Variants in PCNA observed in about 807,000 individuals in gnomAD.
PCNA encodes DNA sliding clamp PCNA.
In PCNA, 4 loss-of-function variants were observed where a neutral mutation model predicts 27.8. That is an observed-to-expected ratio of 0.14 (90% confidence interval 0.07 to 0.33). The LOEUF is 0.33. Among genes scored for constraint, PCNA ranks in the 10% least tolerant of loss-of-function variants. The pLI is 1.00. For missense variants in PCNA, 165 were observed against 327.4 expected, an observed-to-expected ratio of 0.50 and a Z score of 3.83; for synonymous variants, 121 against 119.4, an observed-to-expected ratio of 1.01 and a Z score of -0.09.
chr20:5,125,522 T>A (rs1027472016), intron 1 of PCNA, among the ~76,000 whole-genome samples: 8 of 152,182 alleles, frequency 5.3e-5, no homozygotes, highest in East Asian at 1.9e-4. Context: ...AAAATTATAT[T>A]TTTTTAAAAA....
At position 5,119,824 on chromosome 20, in the gene PCNA, T is replaced by C; in HGVS notation, c.-26A>G. ...GGTGGCGGAGTGGCAACAACGCCGC[T>C]ACAGGCAGGCGGGAAGGAGGAAAGT... On this transcript the variant is annotated 5_prime_UTR_variant, in exon 1 of 6. Coordinates refer to ENST00000379143, the MANE Select transcript of PCNA (RefSeq NM_182649.2). The C allele has an allele frequency of 6.6e-7, 1 of 1,525,026 alleles. No individual in the cohort carries two copies. The highest frequency in any genetic ancestry group is 8.9e-7 in the Non-Finnish European group (1 of 1,123,660). The allele number at this position is 1,525,026 out of a possible 1,614,324, so 94.5% of individuals were successfully genotyped here.
chr20:5,126,101 G>A (rs2090546184), intron 1 of PCNA, among the ~76,000 whole-genome samples: 1 of 152,202 alleles, frequency 6.6e-6, no homozygotes, highest in African/African-American at 2.4e-5. Flanking sequence ...GGGCGTGGTG[G>A]CGCGCACCTT....
At position 5,116,659 on chromosome 20, in the gene PCNA, T is replaced by G. The variant is rs3730434; in HGVS notation, c.582+811A>C. Among the ~76,000 whole-genome samples the G allele has an allele frequency of 3.0e-3, 458 of 152,296 alleles. 2 individuals are homozygous for G. Among genetic ancestry groups the G allele is most frequent in the African/African-American group, 0.011 (437 of 41,560 alleles). On this transcript the variant is annotated intron_variant, in intron 4 of 5. Transcript: ENST00000379143. ...ATTTATGCCCAGGTTAGCGAGTTTT[T>G]TTTGTTTGTTTAAGATGGAATCTTG...
At chr20:5,120,987 A>G (rs1179783751), upstream of PCNA, among the ~76,000 whole-genome samples, 1 of 151,602 alleles carries the variant, frequency 6.6e-6, no homozygotes. Context: ...TTGTATTATT[A>G]TTATTATTTT....
chr20:5,120,281 C>A (rs536602200), upstream of PCNA, among the ~76,000 whole-genome samples: 1 of 152,362 alleles, frequency 6.6e-6, no homozygotes, highest in East Asian at 1.9e-4. Context: ...AAGTTTCCAG[C>A]CACGAAAGTG....
intron 3 of PCNA, 57 bp from the exon 4 acceptor site, chr20:5,117,721 C>A: frequency 9.1e-7 from 1 of 1,096,048 alleles, no homozygotes. Context: ...TGATTTGGCA[C>A]CCTCACTTTC....
upstream of PCNA, among the ~76,000 whole-genome samples, chr20:5,124,673 A>G (rs750011141): frequency 2.0e-5 from 3 of 151,852 alleles, no homozygotes; most frequent in Non-Finnish European, 2.9e-5. Context: ...AAAAAACGAA[A>G]AGAGAGAGAG....
At position 5,119,876 on chromosome 20, in the gene PCNA, C is replaced by T. The variant is rs767307819; in HGVS notation, c.-78G>A. On this transcript the variant is annotated 5_prime_UTR_variant, in exon 1 of 6. Coordinates refer to ENST00000379143, the MANE Select transcript of PCNA (RefSeq NM_182649.2). ...TAGCTGGTTTCGGCTTCAGGAGCCT[C>T]AGAGCGAGCGGGCGAACGTCGCGAC... 1.0e-4 allele frequency: 122 copies of T among 1,185,920 alleles called. No homozygotes were observed. The highest frequency in any genetic ancestry group is 1.5e-4 in the Non-Finnish European group (121 of 825,782). The allele number at this position is 1,185,920 out of a possible 1,614,324, so 73.5% of individuals were successfully genotyped here.
chr20:5,119,890 G>A lies in PCNA; in HGVS notation c.-92C>T, dbSNP rs1320645343. On this transcript the variant is annotated 5_prime_UTR_variant, in exon 1 of 6. Coordinates refer to ENST00000379143, the MANE Select transcript of PCNA (RefSeq NM_182649.2). ...TTCAGGAGCCTCAGAGCGAGCGGGC[G>A]AACGTCGCGACGACCGGCTGAGACC... is the stretch of plus-strand genomic sequence containing the variant. The A allele has an allele frequency of 1.0e-6, 1 of 987,336 alleles. No homozygotes were observed. The highest frequency in any genetic ancestry group is 1.5e-6 in the Non-Finnish European group (1 of 651,736). The allele number at this position is 987,336 out of a possible 1,614,324, so 61.2% of individuals were successfully genotyped here. A position where few individuals can be genotyped will look rare whatever the true frequency, so the allele number is the denominator to read the frequency against.
Position 5,115,036 on chromosome 20 carries a change from T to C in PCNA, c.*247A>G, listed in dbSNP as rs1600444624. 2 of 361,238 alleles carry C rather than the reference T, an allele frequency of 5.5e-6. No individual in the cohort carries two copies. The highest frequency in any genetic ancestry group is 1.0e-5 in the Non-Finnish European group (2 of 196,902). The allele number at this position is 361,238 out of a possible 1,614,324, so 22.4% of individuals were successfully genotyped here. A position where few individuals can be genotyped will look rare whatever the true frequency, so the allele number is the denominator to read the frequency against. ...TTAGAGTCAAGACCCTTTTGTATTA[T>C]AAAAATCACAAGTATTTCTAAGAGA... On this transcript the variant is annotated 3_prime_UTR_variant, in exon 6 of 6. Transcript: ENST00000379143.
At position 5,119,664 on chromosome 20, in the gene PCNA, G is replaced by A. The variant is rs2090503749; in HGVS notation, c.135C>T (p.Val45=). ...ACCGCAGGGTGAGCTGCACCAAAGAGACGTGGGACGAGTCCATGCTCTGCA... is the reference window on the plus strand; with the variant it reads ...ACCGCAGGGTGAGCTGCACCAAAGAAACGTGGGACGAGTCCATGCTCTGCA... ...VNLQSMDSSH[V]SLVQLTLRSE... Residue 45 remains valine (V), a synonymous_variant, in exon 1 of 6, where the codon GTC becomes GTT. Coordinates refer to ENST00000379143, the MANE Select transcript of PCNA (RefSeq NM_182649.2). The A allele has an allele frequency of 1.2e-6, 2 of 1,613,268 alleles. No homozygotes were observed. The highest frequency in any genetic ancestry group is 2.2e-5 in the East Asian group (1 of 44,840).
upstream of PCNA, among the ~76,000 whole-genome samples, chr20:5,123,827 C>T (rs1253031408): frequency 6.6e-6 from 1 of 152,030 alleles, no homozygotes; most frequent in African/African-American, 2.4e-5. Context: ...CTATGGGCTT[C>T]CAAACATAAG....
At chr20:5,120,139 G>C (rs2090508695), upstream of PCNA, 2 of 299,168 alleles carry the variant, frequency 6.7e-6, no homozygotes, top group African/African-American at 2.2e-5. Context: ...CGTCGCGCAG[G>C]TCTCCCCGCC....
chr20:5,120,752 CTCCTT>C (rs2090513446), upstream of PCNA, among the ~76,000 whole-genome samples: 1 of 152,128 alleles, frequency 6.6e-6, no homozygotes, highest in South Asian at 2.1e-4. Flanking sequence ...GTGATATCAA[CTCCTT>C]GAAGTAATAC....
At chr20:5,118,456 C>T (rs2090491546) in intron 3 of PCNA, among the ~76,000 whole-genome samples, 154 bp downstream of exon 3, 2 of 152,056 alleles carry the variant, frequency 1.3e-5, no homozygotes, top group South Asian at 4.2e-4. Context: ...TGCTTGAGCC[C>T]AGGAATCCCA....
chr20:5,116,113 TAATA>T (rs887942298), intron 4 of PCNA, among the ~76,000 whole-genome samples: 13 of 152,308 alleles, frequency 8.5e-5, no homozygotes, highest in Admixed American at 2.0e-4. Flanking sequence ...CTGGAAAACT[TAATA>T]AATGATCTAA....
upstream of PCNA, among the ~76,000 whole-genome samples, chr20:5,123,948 C>G (rs1252685541): frequency 2.0e-5 from 3 of 152,138 alleles, no homozygotes; most frequent in Non-Finnish European, 4.4e-5. Flanking sequence ...GAGAACTCAA[C>G]TTGAATGGAT....
upstream of PCNA, among the ~76,000 whole-genome samples, chr20:5,121,993 T>C (rs1160729558): frequency 6.6e-6 from 1 of 151,142 alleles, no homozygotes; most frequent in Non-Finnish European, 1.5e-5. Context: ...TTCTTTTTTT[T>C]TTTTCTGAGA....
rs1280537027 is a variant in PCNA, at chr20:5,115,090, G to A, written c.*193C>T. 2.0e-6 allele frequency: 1 copy of A among 501,972 alleles called. No individual in the cohort carries two copies. Among genetic ancestry groups the A allele is most frequent in the Non-Finnish European group, 3.5e-6 (1 of 282,626 alleles). The allele number at this position is 501,972 out of a possible 1,614,324, so 31.1% of individuals were successfully genotyped here. On this transcript the variant is annotated 3_prime_UTR_variant, in exon 6 of 6. Coordinates refer to ENST00000379143, the MANE Select transcript of PCNA (RefSeq NM_182649.2). Reference sequence around the variant, plus strand: ...AAATACTTCTAGGTTAACTAGACCAGATCTGACTTTGGACTTTATTCTTTA... The same window carrying A: ...AAATACTTCTAGGTTAACTAGACCAAATCTGACTTTGGACTTTATTCTTTA...
Sources: gnomAD v4.1 joint callset for allele counts (sites outside exome capture counted in the v4.1 genomes callset) on GRCh38, gnomAD v4.1.1 for gene constraint, MANE v1.5 for transcripts, NCBI Gene and HGNC (gene_info 2026-07-23, HGNC 2026-07-21) for gene names.